The following SV2C variants were observed in gnomAD, a reference collection of about 807,000 sequenced individuals.
SV2C encodes synaptic vesicle glycoprotein 2C, also known as solute carrier family 22 member B3.
Under a neutral mutation model 79.7 loss-of-function variants are expected in SV2C, and 49 were observed. The ratio of observed to expected loss-of-function variants is 0.61; its 90% CI spans 0.49 to 0.78. The LOEUF (loss-of-function observed/expected upper bound fraction) is 0.78, where lower values mean the gene tolerates loss of function less well. Among genes scored for constraint, SV2C ranks in the 30% least tolerant of loss-of-function variants. The pLI is 0.00. For missense variants in SV2C, 833 were observed against 912.9 expected, an observed-to-expected ratio of 0.91 and a Z score of 1.13; for synonymous variants, 334 against 333.2, an observed-to-expected ratio of 1.00 and a Z score of -0.03.
At chr5:76,130,807 G>A (rs186024826) in intron 1 of SV2C, among the ~76,000 whole-genome samples, 1 of 152,258 alleles carries the variant, frequency 6.6e-6, no homozygotes, top group East Asian at 1.9e-4. Flanking sequence ...GGATGTGAGA[G>A]GGAGAGAGGG....
At chr5:75,998,585 C>A in the SV2C span, among the ~76,000 whole-genome samples, 1 of 152,022 alleles carries the variant, frequency 6.6e-6, no homozygotes, top group African/African-American at 2.4e-5. Flanking sequence ...ACAACTAGCC[C>A]TTACTCTTCA....
intron 1 of SV2C, among the ~76,000 whole-genome samples, chr5:76,088,373 G>A (rs557607400): frequency 6.6e-6 from 1 of 152,276 alleles, no homozygotes; most frequent in East Asian, 1.9e-4. Flanking sequence ...AAATATTTTA[G>A]ACTGGGTAAT....
At chr5:76,301,856 C>T (rs1226831689) in intron 12 of SV2C, among the ~76,000 whole-genome samples, 1 of 142,430 alleles carries the variant, frequency 7.0e-6, no homozygotes, top group Non-Finnish European at 1.5e-5. Flanking sequence ...TTGTGGTGAG[C>T]CAAGATCACA....
chr5:76,289,112 C>A (rs562658949), intron 6 of SV2C, among the ~76,000 whole-genome samples: 14 of 152,282 alleles, frequency 9.2e-5, no homozygotes, highest in African/African-American at 3.4e-4. Context: ...GTCTCAAACT[C>A]CTAGGCTCAA....
the SV2C span, among the ~76,000 whole-genome samples, chr5:75,968,732 C>A: frequency 3.3e-5 from 5 of 152,210 alleles, no homozygotes; most frequent in African/African-American, 1.2e-4. Flanking sequence ...GAGAATGGAA[C>A]CAAGTTGGAA....
At chr5:75,857,849 C>T in the SV2C span, among the ~76,000 whole-genome samples, 17 of 151,902 alleles carry the variant, frequency 1.1e-4, no homozygotes, top group Non-Finnish European at 2.2e-4. Context: ...TTCTGGGCAT[C>T]TTATTTTATT....
At chr5:75,873,938 G>A in the SV2C span, among the ~76,000 whole-genome samples, 658 of 152,000 alleles carry the variant, frequency 4.3e-3, 4 homozygotes, top group Non-Finnish European at 5.3e-3. Flanking sequence ...AAAAAAGCCC[G>A]AGACCTGATG....
rs189335307 is a variant in SV2C, at chr5:76,231,444, T to A, written c.913+21557T>A. Among the ~76,000 whole-genome samples the A allele has an allele frequency of 1.2e-3, 189 of 152,204 alleles. 1 individual carries two copies. The highest frequency in any genetic ancestry group is 9.8e-3 in the South Asian group (47 of 4,814). On this transcript the variant is annotated intron_variant, in intron 4 of 12. Coordinates refer to ENST00000502798, the MANE Select transcript of SV2C (RefSeq NM_014979.4). ...CATGGCTGATTTTATTTATTTATTT[T>A]TTTTTATTATACTTTAAGTTTTAGG...
chr5:76,073,503 G>GTATATATATATATA, the SV2C span, among the ~76,000 whole-genome samples: 69 of 67,432 alleles, frequency 1.0e-3, 1 homozygote, highest in South Asian at 2.2e-3. Flanking sequence ...GTATGTGTGT[G>GTATATATATATATA]TATATATATA....
intron 2 of SV2C, among the ~76,000 whole-genome samples, chr5:76,155,871 T>G (rs1282432906): frequency 6.8e-6 from 1 of 146,032 alleles, no homozygotes; most frequent in East Asian, 2.0e-4. Flanking sequence ...CAGAGACCTC[T>G]CAGTATCTTA....
intron 2 of SV2C, chr5:76,173,857 A>G: frequency 6.3e-7 from 1 of 1,598,752 alleles, no homozygotes. Flanking sequence ...GAATCATTGG[A>G]ACATCATCAG....
chr5:75,894,182 C>T, the SV2C span, among the ~76,000 whole-genome samples: 2 of 152,050 alleles, frequency 1.3e-5, no homozygotes, highest in Non-Finnish European at 2.9e-5. Flanking sequence ...TGGCAGTACT[C>T]TAGCCCAGAG....
In SV2C at chr5:76,331,477, G is replaced by C. The variant is rs1383662346; in HGVS notation, c.*5930G>C. On this transcript the variant is annotated 3_prime_UTR_variant, in exon 13 of 13. Transcript: ENST00000502798. ...TATTTTGGGTTTCAGTTTAAAACTG[G>C]TGCGTGTTGTTGCAAGTGTCTTGAA... 2.6e-5 allele frequency: 4 copies of C among 152,220 alleles called. No homozygotes were observed. The highest frequency in any genetic ancestry group is 5.9e-5 in the Non-Finnish European group (4 of 68,086). The allele number at this position is 152,220 out of a possible 1,614,324, so 9.4% of individuals were successfully genotyped here. A position where few individuals can be genotyped will look rare whatever the true frequency, so the allele number is the denominator to read the frequency against.
At position 76,298,794 on chromosome 5, in the gene SV2C, A is replaced by T. The variant is rs753185097; in HGVS notation, c.1503A>T (p.Arg501Ser). Residue 501 changes from arginine to serine, a missense_variant and splice_region_variant, in exon 10 of 13, where the codon AGA becomes AGT. Coordinates refer to ENST00000502798, the MANE Select transcript of SV2C (RefSeq NM_014979.4). ...ATGAATTTTTCTGTGTGTTGGGCAG[A>T]TTCATAGGGGTCAAGTTCAAATCTG... ...IHTGMEYDNG[R>S]FIGVKFKSVT... 2 of 1,613,610 alleles carry T rather than the reference A, an allele frequency of 1.2e-6. No individual in the cohort carries two copies. Among genetic ancestry groups the T allele is most frequent in the African/African-American group, 2.7e-5 (2 of 75,022 alleles).
intron 12 of SV2C, among the ~76,000 whole-genome samples, chr5:76,348,022 G>GAATC (rs986507791): frequency 6.6e-6 from 1 of 152,122 alleles, no homozygotes; most frequent in Non-Finnish European, 1.5e-5. Flanking sequence ...CACCATTATA[G>GAATC]AATCATACAG....
chr5:75,966,742 A>G, the SV2C span, among the ~76,000 whole-genome samples: 14 of 152,216 alleles, frequency 9.2e-5, no homozygotes, highest in African/African-American at 3.1e-4. Context: ...TGACACTTCA[A>G]TAAACCTGCT....
At chr5:76,130,500 A>G (rs1023949877) in intron 1 of SV2C, among the ~76,000 whole-genome samples, 6 of 152,338 alleles carry the variant, frequency 3.9e-5, no homozygotes, top group African/African-American at 1.4e-4. Context: ...CGATTATATA[A>G]ATCAATGTTT....
intron 2 of SV2C, among the ~76,000 whole-genome samples, chr5:76,156,429 A>G (rs776232141): frequency 6.6e-6 from 1 of 152,184 alleles, no homozygotes; most frequent in Admixed American, 6.5e-5. Flanking sequence ...GGGAGGATCT[A>G]TCATCCTGAT....
chr5:76,153,020 A>G (rs2059156), intron 2 of SV2C, among the ~76,000 whole-genome samples: 72,514 of 152,030 alleles, frequency 0.48, 17,495 homozygotes, highest in South Asian at 0.52. Flanking sequence ...CACACCCTGG[A>G]TGGATCACTC....
Sources: gnomAD v4.1 joint callset for allele counts (sites outside exome capture counted in the v4.1 genomes callset) on GRCh38, gnomAD v4.1.1 for gene constraint, MANE v1.5 for transcripts, NCBI Gene and HGNC (gene_info 2026-07-23, HGNC 2026-07-21) for gene names.